Variants in OPHN1 observed in about 807,000 individuals in gnomAD.
OPHN1 encodes oligophrenin-1.
In OPHN1, 11 loss-of-function variants were observed where a neutral mutation model predicts 60.7. The ratio of observed to expected loss-of-function variants is 0.18; its 90% CI spans 0.11 to 0.30. The LOEUF (loss-of-function observed/expected upper bound fraction) is 0.30, where lower values mean the gene tolerates loss of function less well. Ranked by LOEUF, OPHN1 falls within the 10% of genes least tolerant of loss-of-function variation. The pLI is 1.00. For missense variants in OPHN1, 449 were observed against 611.0 expected, an observed-to-expected ratio of 0.73 and a Z score of 2.80; for synonymous variants, 226 against 222.6, an observed-to-expected ratio of 1.02 and a Z score of -0.14.
chrX:68,261,270 C>A (rs1463550911), intron 5 of OPHN1, among the ~76,000 whole-genome samples: 1 of 111,551 alleles, frequency 9.0e-6, no homozygotes, highest in Non-Finnish European at 1.9e-5. Flanking sequence ...AAACATCATA[C>A]TGTGGGCAAC....
chrX:68,334,530 T>C (rs2078312478), intron 2 of OPHN1, among the ~76,000 whole-genome samples: 1 of 112,053 alleles, frequency 8.9e-6, no homozygotes, highest in African/African-American at 3.2e-5. Flanking sequence ...CATTTTGATA[T>C]CGATGAATTT....
intron 2 of OPHN1, among the ~76,000 whole-genome samples, chrX:68,358,142 T>TAATAA (rs1193752080): frequency 5.9e-5 from 6 of 101,238 alleles, no homozygotes; most frequent in Middle Eastern, 4.6e-3. Context: ...AAAAAAAAAA[T>TAATAA]AATAAAATAA....
chrX:68,220,617 C>G (rs1422862413), intron 6 of OPHN1, among the ~76,000 whole-genome samples: 53 of 89,309 alleles, frequency 5.9e-4, no homozygotes, highest in Non-Finnish European at 1.0e-3. Flanking sequence ...GGATGCAAGG[C>G]TGGTTCAATA....
At chrX:68,199,130 C>T (rs1360007715) in intron 11 of OPHN1, among the ~76,000 whole-genome samples, 2 of 111,923 alleles carry the variant, frequency 1.8e-5, no homozygotes, top group African/African-American at 3.2e-5. Context: ...ATTATTATTA[C>T]AATTATTGTT....
At chrX:68,221,859 T>C (rs1211254393) in intron 6 of OPHN1, among the ~76,000 whole-genome samples, 2 of 83,911 alleles carry the variant, frequency 2.4e-5, no homozygotes, top group African/African-American at 4.1e-5. Flanking sequence ...ATTCAGGACA[T>C]AGGCATGGGC....
chrX:68,314,704 G>A (rs1310817580), intron 2 of OPHN1, among the ~76,000 whole-genome samples: 1 of 110,417 alleles, frequency 9.1e-6, no homozygotes, highest in East Asian at 2.8e-4. Flanking sequence ...CGAACATCTT[G>A]GCCAGGTATG....
intron 4 of OPHN1, among the ~76,000 whole-genome samples, chrX:68,279,202 C>A (rs1214919404): frequency 1.1e-5 from 1 of 95,145 alleles, no homozygotes; most frequent in Non-Finnish European, 2.1e-5. Context: ...GCCTTGACCT[C>A]CTCAGGTTCA....
In OPHN1 at chrX:68,197,271, G is replaced by C. The variant is rs1387416684; in HGVS notation, c.1026-7C>G. 1 of 1,197,929 alleles carries C rather than the reference G, an allele frequency of 8.3e-7. No individual in the cohort carries two copies. The highest frequency in any genetic ancestry group is 1.1e-6 in the Non-Finnish European group (1 of 884,113). On this transcript the variant is annotated splice_region_variant and splice_polypyrimidine_tract_variant and intron_variant, in intron 11 of 24. Coordinates refer to ENST00000355520, the MANE Select transcript of OPHN1 (RefSeq NM_002547.3). ...CAGAGTGATGGTTCCTGGCCTGAGG[G>C]GGAAAAAAATGGTAAGTATAAAGCA...
At chrX:68,221,179 T>C (rs1408278130) in intron 6 of OPHN1, among the ~76,000 whole-genome samples, 1 of 65,519 alleles carries the variant, frequency 1.5e-5, no homozygotes, top group Non-Finnish European at 3.0e-5. Context: ...CCATTCACAA[T>C]TGCTTCAAAG....
intron 2 of OPHN1, among the ~76,000 whole-genome samples, chrX:68,393,369 C>T (rs1223715406): frequency 8.9e-6 from 1 of 112,023 alleles, no homozygotes; most frequent in Non-Finnish European, 1.9e-5. Context: ...CAGCTCAGTG[C>T]ACCCTCAAAC....
At chrX:68,207,623 C>T (rs995870797) in intron 9 of OPHN1, among the ~76,000 whole-genome samples, 1 of 109,867 alleles carries the variant, frequency 9.1e-6, no homozygotes, top group African/African-American at 3.3e-5. Context: ...TTTATCATTC[C>T]CCTCATTAAA....
intron 15 of OPHN1, among the ~76,000 whole-genome samples, chrX:68,189,927 T>TA (rs753377527): frequency 9.3e-4 from 97 of 103,931 alleles, no homozygotes; most frequent in Middle Eastern, 5.0e-3. Flanking sequence ...GTTGTTTAGG[T>TA]AAAAAAAAAT....
intron 2 of OPHN1, among the ~76,000 whole-genome samples, chrX:68,409,319 A>G (rs987211786): frequency 4.5e-5 from 5 of 111,642 alleles, no homozygotes; most frequent in Non-Finnish European, 9.4e-5. Flanking sequence ...ACTGACTCTC[A>G]TGAACACACA....
intron 5 of OPHN1, among the ~76,000 whole-genome samples, chrX:68,254,331 T>A (rs1424459022): frequency 9.0e-6 from 1 of 111,679 alleles, no homozygotes; most frequent in Admixed American, 9.6e-5. Context: ...AAAGTGCCTC[T>A]GTGATTATTA....
intron 3 of OPHN1, among the ~76,000 whole-genome samples, chrX:68,289,221 T>C (rs980279768): frequency 9.0e-6 from 1 of 111,391 alleles, no homozygotes; most frequent in African/African-American, 3.3e-5. Flanking sequence ...TACTGCAAAA[T>C]TCCTCAATAA....
intron 2 of OPHN1, among the ~76,000 whole-genome samples, chrX:68,386,909 G>C (rs769691512): frequency 1.9e-4 from 21 of 111,728 alleles, no homozygotes; most frequent in African/African-American, 5.5e-4. Context: ...GAAGGAAGGA[G>C]AGGGGAGAGG....
intron 2 of OPHN1, among the ~76,000 whole-genome samples, chrX:68,317,718 G>A (rs868714476): frequency 2.8e-5 from 3 of 108,342 alleles, no homozygotes; most frequent in African/African-American, 1.0e-4. Context: ...AGAAAGAAAA[G>A]AAAAGAAAAG....
intron 21 of OPHN1, among the ~76,000 whole-genome samples, chrX:68,059,289 T>C (rs972440495): frequency 1.8e-5 from 2 of 111,985 alleles, no homozygotes; most frequent in African/African-American, 6.5e-5. Flanking sequence ...TCTTGGGACC[T>C]GATGGTCATC....
intron 15 of OPHN1, among the ~76,000 whole-genome samples, chrX:68,169,158 C>T (rs2077375789): frequency 9.0e-6 from 1 of 111,472 alleles, no homozygotes. Flanking sequence ...AGAGCCAAAT[C>T]ATGAGTGAAT....
Sources: gnomAD v4.1 joint callset for allele counts (sites outside exome capture counted in the v4.1 genomes callset) on GRCh38, gnomAD v4.1.1 for gene constraint, MANE v1.5 for transcripts, NCBI Gene and HGNC (gene_info 2026-07-23, HGNC 2026-07-21) for gene names.